The following PTPRQ variants were observed in gnomAD, a reference collection of about 807,000 sequenced individuals.
The protein encoded by PTPRQ is protein tyrosine phosphatase receptor type Q.
A neutral mutation model predicts 246.0 loss-of-function variants in PTPRQ; 199 were observed. The observed-to-expected ratio is 0.81, with a 90% CI of 0.72 to 0.91. The LOEUF is 0.91. Among genes scored for constraint, PTPRQ ranks in the 40% least tolerant of loss-of-function variants. The probability of loss-of-function intolerance (pLI) is 0.00; values close to 1 mark genes in which losing one functional copy is unlikely to be tolerated. For missense variants in PTPRQ, 2,624 were observed against 2,528.4 expected (o/e 1.04, Z -0.81); for synonymous variants, 869 against 853.2 (o/e 1.02, Z -0.32).
intron 42 of PTPRQ, among the ~76,000 whole-genome samples, chr12:80,672,721 G>GGAC (rs1049101950): frequency 2.0e-5 from 3 of 151,614 alleles, no homozygotes; most frequent in African/African-American, 7.2e-5. Context: ...AAAGTGAAAA[G>GGAC]GACAATTGCA....
At chr12:80,636,353 A>G (rs1477973024) in intron 35 of PTPRQ, among the ~76,000 whole-genome samples, 1 of 152,250 alleles carries the variant, frequency 6.6e-6, no homozygotes, top group Non-Finnish European at 1.5e-5. Flanking sequence ...AGGGTAACTC[A>G]TCTAAGTAAA....
Position 80,582,210 on chromosome 12 carries a change from T to C in PTPRQ, c.4286-5919T>C, listed in dbSNP as rs148738695. ...GCTTACTCCATACAACTCCAAACAC[T>C]GAAGAAAAAGGCAAAATATATCCAA... is the stretch of plus-strand genomic sequence containing the variant. On this transcript the variant is annotated intron_variant, in intron 25 of 44. Transcript: ENST00000644991. Among the ~76,000 whole-genome samples, 16 of 152,222 alleles carry C rather than the reference T, an allele frequency of 1.1e-4. 2 individuals carry two copies. Among genetic ancestry groups the C allele is most frequent in the African/African-American group, 3.9e-4 (16 of 41,524 alleles).
At chr12:80,510,254 G>A in intron 16 of PTPRQ, 69 bp from the exon 17 acceptor site, 1 of 1,326,562 alleles carries the variant, frequency 7.5e-7, no homozygotes, top group Non-Finnish European at 9.8e-7. Flanking sequence ...AAAATTGTGT[G>A]CATTTCCATG....
chr12:80,605,121 A>T lies in PTPRQ; in HGVS notation c.4672A>T (p.Ser1558Cys), dbSNP rs577073106. The change falls in exon 27 of 45, where the codon AGC (serine) becomes TGC (cysteine). Residue 1558 changes from serine to cysteine, a missense_variant. Physicochemically the swap from Ser to Cys is moderately radical, Grantham distance 112. Coordinates refer to ENST00000644991, the MANE Select transcript of PTPRQ (RefSeq NM_001145026.2). ...AACATCACCTTTTAGCATCAGCATA[A>T]GCTGGAGTGAACCTGCTGTCATTAC... ...VATSPFSISISWSEPAVITGP... is the reference protein window; with the variant it reads ...VATSPFSISICWSEPAVITGP... 5.8e-6 allele frequency: 9 copies of T among 1,545,810 alleles called. No homozygotes were observed. Among genetic ancestry groups the T allele is most frequent in the Non-Finnish European group, 8.7e-7 (1 of 1,143,398 alleles).
chr12:80,675,424 T>C (rs2121296629), intron 43 of PTPRQ, among the ~76,000 whole-genome samples: 1 of 152,330 alleles, frequency 6.6e-6, no homozygotes, highest in South Asian at 2.1e-4. Context: ...AATTTCCTTC[T>C]CATTTTTAGT....
Position 80,619,702 on chromosome 12 carries a change from GTAAA to G in PTPRQ, c.5389+170_5389+173del, listed in dbSNP as rs144756074. 0.011 allele frequency among the ~76,000 whole-genome samples: 1,664 copies of G among 151,268 alleles called. 34 individuals are homozygous for G. Among genetic ancestry groups the G allele is most frequent in the African/African-American group, 0.037 (1,528 of 41,348 alleles). ...TATTAATGATACCAATCATTTCTTT[GTAAA>G]TAAATAAATTATTTATTTATTTTAT... On this transcript the variant is annotated intron_variant, in intron 31 of 44. Coordinates refer to ENST00000644991, the MANE Select transcript of PTPRQ (RefSeq NM_001145026.2).
intron 39 of PTPRQ, among the ~76,000 whole-genome samples, chr12:80,662,290 G>A (rs567374436): frequency 2.0e-5 from 3 of 151,848 alleles, no homozygotes; most frequent in Non-Finnish European, 4.4e-5. Context: ...TATGAGATTA[G>A]AATAAAGCAT....
intron 39 of PTPRQ, among the ~76,000 whole-genome samples, chr12:80,668,003 T>C (rs916875782): frequency 1.3e-5 from 2 of 151,874 alleles, no homozygotes; most frequent in South Asian, 2.1e-4. Flanking sequence ...AAAATAAACT[T>C]GCTGGATTAC....
chr12:80,614,017 A>G (rs1898655186), intron 29 of PTPRQ, among the ~76,000 whole-genome samples, 181 bp downstream of exon 29: 1 of 150,772 alleles, frequency 6.6e-6, no homozygotes, highest in South Asian at 2.1e-4. Context: ...CTATAATACA[A>G]GTACTATTAA....
chr12:80,513,852 C>G (rs1467970236), intron 17 of PTPRQ, among the ~76,000 whole-genome samples: 1 of 152,144 alleles, frequency 6.6e-6, no homozygotes, highest in Non-Finnish European at 1.5e-5. Flanking sequence ...TGTTGAACCT[C>G]AGGTAGCTAG....
intron 25 of PTPRQ, among the ~76,000 whole-genome samples, chr12:80,560,386 A>G (rs1188402699): frequency 6.6e-6 from 1 of 152,208 alleles, no homozygotes; most frequent in African/African-American, 2.4e-5. Context: ...TAGACCTAAC[A>G]TGGCAAAGCT....
At position 80,445,558 on chromosome 12, in the gene PTPRQ, T is replaced by C. The variant is rs1241544786; in HGVS notation, c.231T>C (p.Asn77=). The C allele has an allele frequency of 1.3e-6, 2 of 1,549,864 alleles. No homozygotes were observed. The highest frequency in any genetic ancestry group is 1.7e-6 in the Non-Finnish European group (2 of 1,145,886). ...CTGCTGGGATTCTTCTGTCTTGGAA[T>C]ACACCACCTAATCCAAATGGAAGGA... is the stretch of plus-strand genomic sequence containing the variant. ...VGSAGILLSW[N]TPPNPNGRII... Residue 77 remains asparagine, a synonymous_variant, in exon 3 of 45, where the codon AAT becomes AAC. Coordinates refer to ENST00000644991, the MANE Select transcript of PTPRQ (RefSeq NM_001145026.2).
At chr12:80,619,345 A>G (rs1565822523) in intron 30 of PTPRQ, 39 bp from the exon 31 acceptor site, 1 of 1,532,458 alleles carries the variant, frequency 6.5e-7, no homozygotes, top group Non-Finnish European at 8.8e-7. Flanking sequence ...TGATGAAACA[A>G]TAACATCAAT....
chr12:80,649,556 T>C (rs1221320500), intron 36 of PTPRQ, 32 bp from the exon 37 acceptor site: 2 of 1,547,452 alleles, frequency 1.3e-6, no homozygotes, highest in Admixed American at 2.0e-5. Flanking sequence ...CAATCTAACA[T>C]GACCCTATTT....
chr12:80,482,435 T>A (rs1894102358), intron 8 of PTPRQ, among the ~76,000 whole-genome samples: 1 of 151,958 alleles, frequency 6.6e-6, no homozygotes, highest in Non-Finnish European at 1.5e-5. Context: ...GAAGAAAACC[T>A]AGGCAATACC....
chr12:80,636,263 T>C (rs1292025619), intron 35 of PTPRQ, among the ~76,000 whole-genome samples: 2 of 152,202 alleles, frequency 1.3e-5, no homozygotes, highest in African/African-American at 4.8e-5. Flanking sequence ...GATTGTAAGT[T>C]ATCCAAGACA....
At chr12:80,467,216 C>A (rs565027404) in intron 6 of PTPRQ, among the ~76,000 whole-genome samples, 2 of 152,238 alleles carry the variant, frequency 1.3e-5, no homozygotes, top group African/African-American at 4.8e-5. Context: ...AGACACTTCT[C>A]AAAAGAAGAC....
At chr12:80,636,646 A>G in intron 35 of PTPRQ, among the ~76,000 whole-genome samples, 1 of 152,196 alleles carries the variant, frequency 6.6e-6, no homozygotes, top group East Asian at 1.9e-4. Context: ...AATATAGTTG[A>G]ATCTGTTCAT....
chr12:80,632,531 AT>A (rs1899479656), intron 34 of PTPRQ, among the ~76,000 whole-genome samples: 2 of 152,322 alleles, frequency 1.3e-5, no homozygotes, highest in East Asian at 3.9e-4. Flanking sequence ...AAAACATTTA[AT>A]GTAAAGAATT....
Sources: allele counts gnomAD v4.1 joint callset (sites outside exome capture counted in the v4.1 genomes callset), GRCh38; gene constraint gnomAD v4.1.1; transcripts MANE v1.5; gene names NCBI Gene and HGNC (gene_info 2026-07-23, HGNC 2026-07-21).